The following PSD3 variants were observed in gnomAD, a reference collection of about 807,000 sequenced individuals.
The protein encoded by PSD3 is pleckstrin and Sec7 domain containing 3, also known as PH and SEC7 domain-containing protein 3.
PSD3 carries 49 observed loss-of-function variants against 105.5 expected under a neutral mutation model. The ratio of observed to expected loss-of-function variants is 0.46; its 90% CI spans 0.37 to 0.59. The LOEUF (loss-of-function observed/expected upper bound fraction) is 0.59, where lower values mean the gene tolerates loss of function less well. PSD3 is among the 20% of genes least tolerant of loss of function. The pLI is 0.00. For synonymous variants in PSD3, 557 were observed against 457.8 expected, an observed-to-expected ratio of 1.22 and a Z score of -2.77; for missense variants, 1,561 against 1,263.8, an observed-to-expected ratio of 1.24 and a Z score of -3.57.
intron 1 of PSD3, among the ~76,000 whole-genome samples, chr8:19,026,164 C>A (rs1249671827): frequency 1.3e-5 from 2 of 152,116 alleles, no homozygotes; most frequent in Non-Finnish European, 2.9e-5. Context: ...GGGTCCCTCC[C>A]ACAAAATATG....
chr8:18,593,318 T>G (rs560602542), intron 12 of PSD3, among the ~76,000 whole-genome samples: 32 of 152,254 alleles, frequency 2.1e-4, no homozygotes, highest in Admixed American at 1.9e-3. Context: ...GTGAAGGATA[T>G]GAACAGACAC....
chr8:18,815,686 T>C (rs1048890994), intron 4 of PSD3, among the ~76,000 whole-genome samples: 4 of 152,178 alleles, frequency 2.6e-5, no homozygotes, highest in African/African-American at 7.2e-5. Flanking sequence ...TTTGGCGTGT[T>C]TGGAACTGCG....
chr8:18,635,559 T>A (rs965129860), intron 10 of PSD3, among the ~76,000 whole-genome samples: 1 of 152,030 alleles, frequency 6.6e-6, no homozygotes, highest in Non-Finnish European at 1.5e-5. Context: ...TAAAACAGCC[T>A]CAGGCAGGTC....
At chr8:18,783,344 T>A (rs1027093015) in intron 8 of PSD3, among the ~76,000 whole-genome samples, 4 of 152,116 alleles carry the variant, frequency 2.6e-5, no homozygotes, top group South Asian at 2.1e-4. Context: ...AATTTGAGAG[T>A]TCTTTTACTC....
chr8:19,074,059 A>G (rs7002151), intron 1 of PSD3, among the ~76,000 whole-genome samples: 109,103 of 151,662 alleles, frequency 0.72, 39,812 homozygotes, highest in East Asian at 0.81. Flanking sequence ...CAAAGTGCCG[A>G]GATTACAGGC....
intron 10 of PSD3, among the ~76,000 whole-genome samples, chr8:18,636,136 A>T (rs544166518): frequency 1.3e-5 from 2 of 152,114 alleles, no homozygotes; most frequent in East Asian, 1.9e-4. Flanking sequence ...GGGACAATAC[A>T]TGAGGCGAAA....
chr8:18,837,451 G>C (rs969644184), intron 4 of PSD3, among the ~76,000 whole-genome samples: 3 of 152,290 alleles, frequency 2.0e-5, no homozygotes, highest in Middle Eastern at 3.4e-3. Context: ...AGGAGTAGGA[G>C]CAAGTTCAAT....
intron 10 of PSD3, among the ~76,000 whole-genome samples, chr8:18,652,258 T>C (rs935163770): frequency 6.6e-6 from 1 of 151,996 alleles, no homozygotes; most frequent in Non-Finnish European, 1.5e-5. Context: ...TGTATATATA[T>C]ATAGGAAGAA....
In PSD3 at chr8:18,946,628, G is replaced by A. The variant is rs150458365; in HGVS notation, c.22-10486C>T. On this transcript the variant is annotated intron_variant, in intron 1 of 15. Transcript: ENST00000327040. ...AAAATAAATAAAATTTTCCAGGCAC[G>A]GTGGCTCACGCCTGTAATCCTAGCA... Among the ~76,000 whole-genome samples, 848 of 151,624 alleles carry A rather than the reference G, an allele frequency of 5.6e-3. 3 individuals carry two copies. The highest frequency in any genetic ancestry group is 0.019 in the African/African-American group (803 of 41,342).
At chr8:18,712,302 T>C (rs12541624) in intron 9 of PSD3, among the ~76,000 whole-genome samples, 2,754 of 147,116 alleles carry the variant, frequency 0.019, 176 homozygotes, top group East Asian at 0.18. Context: ...GATAGGGACA[T>C]GAAAAATCCT....
At chr8:19,077,626 G>C (rs1014827867) in intron 1 of PSD3, among the ~76,000 whole-genome samples, 1 of 152,126 alleles carries the variant, frequency 6.6e-6, no homozygotes, top group Non-Finnish European at 1.5e-5. Context: ...TTGTATAAAT[G>C]TTTTATCAGA....
chr8:19,022,079 T>C (rs924927513), intron 1 of PSD3, among the ~76,000 whole-genome samples: 2 of 152,118 alleles, frequency 1.3e-5, no homozygotes, highest in Admixed American at 1.3e-4. Flanking sequence ...TGTCACATTG[T>C]GAGAGCAGGA....
chr8:18,954,111 G>A (rs1823408180), intron 1 of PSD3, among the ~76,000 whole-genome samples: 1 of 152,012 alleles, frequency 6.6e-6, no homozygotes, highest in African/African-American at 2.4e-5. Context: ...TTATGATGTG[G>A]CTACATCCCC....
At chr8:19,025,109 G>A (rs1271004309) in intron 1 of PSD3, among the ~76,000 whole-genome samples, 1 of 152,100 alleles carries the variant, frequency 6.6e-6, no homozygotes, top group Non-Finnish European at 1.5e-5. Flanking sequence ...AGCAGGATGA[G>A]GGCCAAGTTG....
At chr8:18,841,488 A>ACC (rs1190606750) in intron 4 of PSD3, among the ~76,000 whole-genome samples, 4 of 151,988 alleles carry the variant, frequency 2.6e-5, no homozygotes, top group Non-Finnish European at 5.9e-5. Context: ...ACACACACAC[A>ACC]CACACACACA....
At chr8:18,833,435 A>T (rs1401075093) in intron 4 of PSD3, among the ~76,000 whole-genome samples, 3 of 152,232 alleles carry the variant, frequency 2.0e-5, no homozygotes, top group African/African-American at 4.8e-5. Context: ...TTAGAAAATA[A>T]TCAGATAACT....
intron 10 of PSD3, among the ~76,000 whole-genome samples, chr8:18,637,324 TTTC>T (rs1807328732): frequency 6.6e-6 from 1 of 152,370 alleles, no homozygotes; most frequent in East Asian, 1.9e-4. Context: ...CCTGACTGAT[TTTC>T]TTAAAAAATA....
At chr8:18,933,791 C>A (rs2129468852) in intron 2 of PSD3, among the ~76,000 whole-genome samples, 1 of 152,134 alleles carries the variant, frequency 6.6e-6, no homozygotes, top group East Asian at 1.9e-4. Flanking sequence ...TTTCAAAAGT[C>A]TGGGGATAAC....
chr8:19,051,662 C>T (rs547311149), intron 1 of PSD3, among the ~76,000 whole-genome samples: 15 of 152,266 alleles, frequency 9.9e-5, no homozygotes, highest in African/African-American at 3.1e-4. Flanking sequence ...ACCTGCAGAA[C>T]GATTTGTCAT....
Sources: gnomAD v4.1 joint callset for allele counts (sites outside exome capture counted in the v4.1 genomes callset) on GRCh38, gnomAD v4.1.1 for gene constraint, MANE v1.5 for transcripts, NCBI Gene and HGNC (gene_info 2026-07-23, HGNC 2026-07-21) for gene names.